Variants in GRIK4 observed in about 807,000 individuals in gnomAD.
The protein encoded by GRIK4 is glutamate receptor ionotropic, kainate 4.
In GRIK4, 40 loss-of-function variants were observed where a neutral mutation model predicts 104.9. The observed-to-expected ratio is 0.38, with a 90% CI of 0.30 to 0.50. The LOEUF (loss-of-function observed/expected upper bound fraction) is 0.50. GRIK4 is among the 20% of genes least tolerant of loss of function. GRIK4 has a pLI of 0.93. For synonymous variants in GRIK4, 485 were observed against 524.9 expected (o/e 0.92, Z 1.04); for missense variants, 1,047 against 1,308.1 (o/e 0.80, Z 3.08).
chr11:120,684,411 C>G (rs1205094606), intron 3 of GRIK4, among the ~76,000 whole-genome samples: 1 of 152,176 alleles, frequency 6.6e-6, no homozygotes, highest in Non-Finnish European at 1.5e-5. Flanking sequence ...TTCAGTTATT[C>G]ATAGTATGGC....
chr11:120,581,707 A>G (rs1948583081), intron 1 of GRIK4, among the ~76,000 whole-genome samples: 1 of 151,882 alleles, frequency 6.6e-6, no homozygotes, highest in Non-Finnish European at 1.5e-5. Context: ...AATGTCCTCA[A>G]GGTTCATTCA....
At chr11:120,760,563 A>G (rs1016211906) in intron 3 of GRIK4, among the ~76,000 whole-genome samples, 1 of 151,944 alleles carries the variant, frequency 6.6e-6, no homozygotes, top group African/African-American at 2.4e-5. Context: ...CGTCATCTAC[A>G]TTAGGTATTT....
At chr11:120,853,419 C>G (rs1051881382) in intron 8 of GRIK4, among the ~76,000 whole-genome samples, 1 of 152,080 alleles carries the variant, frequency 6.6e-6, no homozygotes, top group Non-Finnish European at 1.5e-5. Context: ...CCAATGAGTC[C>G]GTAGTCTAGG....
intron 1 of GRIK4, among the ~76,000 whole-genome samples, chr11:120,568,885 A>G (rs1356503025): frequency 1.3e-5 from 2 of 152,258 alleles, no homozygotes; most frequent in African/African-American, 4.8e-5. Context: ...AAAAATATGT[A>G]ATACAACCCC....
intron 3 of GRIK4, among the ~76,000 whole-genome samples, chr11:120,702,402 A>G (rs1376947857): frequency 2.0e-5 from 3 of 152,184 alleles, no homozygotes; most frequent in Non-Finnish European, 4.4e-5. Context: ...ACCTGTGGAG[A>G]TGCAGGGTGG....
chr11:120,539,348 A>T (rs541736420), intron 1 of GRIK4, among the ~76,000 whole-genome samples: 2 of 152,366 alleles, frequency 1.3e-5, no homozygotes, highest in South Asian at 2.1e-4. Context: ...AGCCGGGAGC[A>T]TCTTTAACTA....
chr11:120,590,645 C>T (rs1313841656), intron 1 of GRIK4, among the ~76,000 whole-genome samples: 4 of 152,108 alleles, frequency 2.6e-5, no homozygotes, highest in Admixed American at 6.5e-5. Flanking sequence ...TGGACTCAGG[C>T]CTCTTCTTTG....
intron 11 of GRIK4, among the ~76,000 whole-genome samples, chr11:120,876,263 CCATCACCACCACCACTACCACCAT>C (rs1284410496): frequency 1.1e-4 from 16 of 140,556 alleles, no homozygotes; most frequent in African/African-American, 3.5e-4. Flanking sequence ...ATTACCACCA[CCATCACCACCACCACTACCACCAT>C]CATCACCACC....
At chr11:120,807,587 G>C (rs1018960263) in intron 4 of GRIK4, among the ~76,000 whole-genome samples, 3 of 152,174 alleles carry the variant, frequency 2.0e-5, no homozygotes, top group African/African-American at 4.8e-5. Context: ...TGGTGATTCA[G>C]AGCTGCCTCT....
At position 120,819,427 on chromosome 11, in the gene GRIK4, A is replaced by G. The variant is rs1953047800; in HGVS notation, c.346-328A>G. ...AAGAGCCAACTGTCTCTCTGCCAGC[A>G]GCAGGCAGTTCCTCTAAGAATAAAG... On this transcript the variant is annotated intron_variant, in intron 5 of 20. Transcript: ENST00000527524. This position sits in a 1 kb window ranked among gnomAD's most constrained non-coding sequence, Gnocchi z 4.3. Among the ~76,000 whole-genome samples the G allele has an allele frequency of 6.6e-6, 1 of 152,240 alleles. No individual in the cohort carries two copies. The highest frequency in any genetic ancestry group is 2.4e-5 in the African/African-American group (1 of 41,464).
At chr11:120,637,877 T>TTTATTA (rs200575715) in intron 1 of GRIK4, among the ~76,000 whole-genome samples, 1 of 151,626 alleles carries the variant, frequency 6.6e-6, no homozygotes, top group Non-Finnish European at 1.5e-5. Context: ...TATGCATATG[T>TTTATTA]TTATTATTAT....
chr11:120,944,670 A>G (rs565255813), intron 14 of GRIK4, among the ~76,000 whole-genome samples: 1 of 152,352 alleles, frequency 6.6e-6, no homozygotes, highest in Non-Finnish European at 1.5e-5. Context: ...CCTTTAGGGC[A>G]AGGCATTTCT....
intron 3 of GRIK4, among the ~76,000 whole-genome samples, chr11:120,742,446 T>A (rs1441321123): frequency 6.6e-6 from 1 of 151,560 alleles, no homozygotes; most frequent in African/African-American, 2.4e-5. Flanking sequence ...ATATCAGTGA[T>A]CTTTAGAGAA....
At chr11:120,799,667 CTTG>C (rs1952587062) in intron 3 of GRIK4, among the ~76,000 whole-genome samples, 2 of 152,154 alleles carry the variant, frequency 1.3e-5, no homozygotes, top group Non-Finnish European at 2.9e-5. Flanking sequence ...ACCTCATGGA[CTTG>C]TTGCAGAGAT....
chr11:120,787,253 C>T (rs563909332), intron 3 of GRIK4, among the ~76,000 whole-genome samples: 4 of 151,870 alleles, frequency 2.6e-5, no homozygotes, highest in South Asian at 4.2e-4. Flanking sequence ...CGCTTGAGCC[C>T]GGGAAGCCAA....
intron 1 of GRIK4, among the ~76,000 whole-genome samples, chr11:120,571,269 C>T (rs1308373401): frequency 2.0e-5 from 3 of 152,192 alleles, no homozygotes; most frequent in Non-Finnish European, 4.4e-5. Context: ...CAGGAGTTTT[C>T]TCAGATTGAA....
At chr11:120,522,857 C>T (rs1242265540) in intron 1 of GRIK4, among the ~76,000 whole-genome samples, 1 of 152,158 alleles carries the variant, frequency 6.6e-6, no homozygotes. Flanking sequence ...CAGGGCTGCG[C>T]TGAGGGTTGT....
intron 3 of GRIK4, among the ~76,000 whole-genome samples, chr11:120,669,368 A>G (rs369058331): frequency 2.8e-4 from 43 of 152,314 alleles, no homozygotes; most frequent in African/African-American, 1.0e-3. Flanking sequence ...ATGGAGCTGA[A>G]TGATTCCCGC....
chr11:120,522,475 C>T (rs958299341), intron 1 of GRIK4, among the ~76,000 whole-genome samples: 1 of 152,158 alleles, frequency 6.6e-6, no homozygotes, highest in Non-Finnish European at 1.5e-5. Flanking sequence ...GTGTGTACCA[C>T]CACACCCGGC....
Sources: allele counts gnomAD v4.1 joint callset (sites outside exome capture counted in the v4.1 genomes callset), GRCh38; gene constraint gnomAD v4.1.1; non-coding constraint Gnocchi (gnomAD v3.1); transcripts MANE v1.5; gene names NCBI Gene and HGNC (gene_info 2026-07-23, HGNC 2026-07-21).